GRID2: variants seen among roughly 807,000 people sequenced by gnomAD.
GRID2 encodes glutamate receptor ionotropic, delta-2.
GRID2 carries 33 observed loss-of-function variants against 114.8 expected under a neutral mutation model. That is an observed-to-expected ratio of 0.29 (90% confidence interval 0.22 to 0.38). GRID2 has a LOEUF of 0.38. Among genes scored for constraint, GRID2 ranks in the 10% least tolerant of loss-of-function variants. GRID2 has a pLI of 1.00. For synonymous variants in GRID2, 505 were observed against 449.9 expected (o/e 1.12, Z -1.55); for missense variants, 1,184 against 1,257.7 (o/e 0.94, Z 0.89).
exon 2 of GRID2, chr4:93,806,823 C>T (rs922571939): frequency 3.3e-5 from 5 of 152,272 alleles, no homozygotes; most frequent in Admixed American, 3.3e-4. Flanking sequence ...GGCATCCAGT[C>T]ATAGCCTGCA....
At chr4:93,555,149 G>A (rs551922659) in intron 13 of GRID2, among the ~76,000 whole-genome samples, 11 of 152,272 alleles carry the variant, frequency 7.2e-5, no homozygotes, top group African/African-American at 2.6e-4. Context: ...TACACCACCA[G>A]GGCCCTGGGT....
intron 2 of GRID2, among the ~76,000 whole-genome samples, chr4:92,811,679 A>G (rs1044218737): frequency 6.6e-6 from 1 of 152,076 alleles, no homozygotes; most frequent in African/African-American, 2.4e-5. Context: ...TCAGGAACTT[A>G]TGCCAGTTAA....
At chr4:93,424,270 G>A (rs985235443) in intron 10 of GRID2, among the ~76,000 whole-genome samples, 4 of 151,334 alleles carry the variant, frequency 2.6e-5, no homozygotes, top group Non-Finnish European at 5.9e-5. Flanking sequence ...CCGTGTCTGG[G>A]GCTCTTTATT....
At chr4:92,472,052 G>A (rs2149096638) in intron 1 of GRID2, among the ~76,000 whole-genome samples, 1 of 112,866 alleles carries the variant, frequency 8.9e-6, no homozygotes, top group East Asian at 2.3e-4. Context: ...TCCTGCCTCG[G>A]CCTCCCGAGT....
At chr4:93,647,183 G>A (rs1390533702) in intron 14 of GRID2, among the ~76,000 whole-genome samples, 1 of 152,268 alleles carries the variant, frequency 6.6e-6, no homozygotes, top group Non-Finnish European at 1.5e-5. Flanking sequence ...AAGTGGGTGG[G>A]AAGAGAATCG....
chr4:92,502,194 G>GTTAGAAATAA (rs1305643320), intron 1 of GRID2, among the ~76,000 whole-genome samples: 9 of 151,920 alleles, frequency 5.9e-5, no homozygotes, highest in African/African-American at 2.2e-4. Flanking sequence ...TATTTCTATT[G>GTTAGAAATAA]CAGTTTTCAA....
Position 93,388,470 on chromosome 4 carries a change from A to G in GRID2, c.1246-7137A>G, listed in dbSNP as rs577144248. 4.3e-4 allele frequency among the ~76,000 whole-genome samples: 65 copies of G among 152,230 alleles called. 1 individual carries two copies. In the South Asian group the frequency reaches 5.6e-3, roughly 13 times the overall value. ...AGCTTTAGTCAGTGCTTTAGAAACA[A>G]TGTTTAAATTTTCAAGGTAGGAGGG... On this transcript the variant is annotated intron_variant, in intron 8 of 15. Transcript: ENST00000282020.
rs78061653 is a variant in GRID2, at chr4:93,486,115, A to G, written c.1859-4524A>G. On this transcript the variant is annotated intron_variant, in intron 11 of 15. Transcript: ENST00000282020. ...TTGTTCCTAGTTATTTGATCATTTA[A>G]TGCTATTGCAAATGATATGTTTTTT... is the stretch of plus-strand genomic sequence containing the variant. 5.5e-3 allele frequency among the ~76,000 whole-genome samples: 841 copies of G among 151,812 alleles called. 6 individuals carry two copies. The highest frequency in any genetic ancestry group is 0.019 in the African/African-American group (807 of 41,534).
At chr4:92,734,805 G>A (rs577776233) in intron 2 of GRID2, among the ~76,000 whole-genome samples, 1 of 116,724 alleles carries the variant, frequency 8.6e-6, no homozygotes, top group African/African-American at 3.3e-5. Context: ...CTGGAGACAT[G>A]TCTTGTTCTG....
At position 92,727,253 on chromosome 4, in the gene GRID2, A is replaced by ACACC. The variant is rs1408925428; in HGVS notation, c.244+136967_244+136968insCACC. Reference sequence around the variant, plus strand: ...TACAATAAAAAGACTTAATTTACAAAATGGTGTTTTAAAGTGTTTCTGGGT... The same window carrying ACACC: ...TACAATAAAAAGACTTAATTTACAAACACCATGGTGTTTTAAAGTGTTTCTGGGT... On this transcript the variant is annotated intron_variant, in intron 2 of 15. Coordinates refer to ENST00000282020, the MANE Select transcript of GRID2 (RefSeq NM_001510.4). 3.3e-5 allele frequency among the ~76,000 whole-genome samples: 5 copies of ACACC among 152,204 alleles called. No individual in the cohort carries two copies. The South Asian group carries it at 1.0e-3, about 32-fold the overall frequency.
intron 1 of GRID2, among the ~76,000 whole-genome samples, chr4:92,384,540 A>T (rs867722505): frequency 6.4e-5 from 3 of 47,212 alleles, no homozygotes; most frequent in East Asian, 9.3e-4. Flanking sequence ...TATATAATAT[A>T]ATATATAATA....
intron 1 of GRID2, among the ~76,000 whole-genome samples, chr4:93,781,797 T>G (rs949472410): frequency 2.0e-5 from 3 of 152,128 alleles, no homozygotes; most frequent in Admixed American, 6.5e-5. Flanking sequence ...ACAGAGTGTT[T>G]TTCTGAATAT....
At chr4:93,264,955 G>T (rs886455753) in intron 8 of GRID2, among the ~76,000 whole-genome samples, 1 of 151,416 alleles carries the variant, frequency 6.6e-6, no homozygotes, top group Non-Finnish European at 1.5e-5. Flanking sequence ...GCTAATTTTT[G>T]TATTTTTAGT....
chr4:92,429,953 T>C (rs1170457033), intron 1 of GRID2, among the ~76,000 whole-genome samples: 5 of 152,200 alleles, frequency 3.3e-5, no homozygotes, highest in Admixed American at 3.3e-4. Context: ...AATCAGATTA[T>C]TAGATTTTTT....
At chr4:93,147,906 A>G (rs72887694) in intron 4 of GRID2, among the ~76,000 whole-genome samples, 9,278 of 152,286 alleles carry the variant, frequency 0.061, 802 homozygotes, top group African/African-American at 0.19. Context: ...AATGTTAATT[A>G]TAGCTTCCTA....
chr4:92,501,633 C>T (rs1027575979), intron 1 of GRID2, among the ~76,000 whole-genome samples: 2 of 152,106 alleles, frequency 1.3e-5, no homozygotes, highest in Non-Finnish European at 2.9e-5. Flanking sequence ...TCACTTCAAG[C>T]ATCAGTGAAC....
intron 1 of GRID2, among the ~76,000 whole-genome samples, chr4:92,344,574 T>C: frequency 6.6e-6 from 1 of 152,226 alleles, no homozygotes; most frequent in Non-Finnish European, 1.5e-5. Context: ...CAACTATTCC[T>C]TTCTTCACTC....
chr4:93,075,493 G>A (rs1729179992), intron 2 of GRID2, among the ~76,000 whole-genome samples: 2 of 152,146 alleles, frequency 1.3e-5, no homozygotes, highest in South Asian at 4.1e-4. Flanking sequence ...GCATGGAAAA[G>A]AAATAAAAGG....
rs1390767663 is a variant in GRID2 at position 93,628,312 on chromosome 4, A to G, written c.2360+1877A>G. ...ACCCATGCACAAGAAACAAAGAACA[A>G]TATAGACATTTCTATAAATGTGTGT... On this transcript the variant is annotated intron_variant, in intron 14 of 15. Transcript: ENST00000282020. Among the ~76,000 whole-genome samples, 5 of 152,302 alleles carry G rather than the reference A, an allele frequency of 3.3e-5. No individual in the cohort carries two copies. In the South Asian group the frequency reaches 6.2e-4, roughly 19 times the overall value.
Sources: gnomAD v4.1 joint callset for allele counts (sites outside exome capture counted in the v4.1 genomes callset) on GRCh38, gnomAD v4.1.1 for gene constraint, MANE v1.5 for transcripts, NCBI Gene and HGNC (gene_info 2026-07-23, HGNC 2026-07-21) for gene names.